Variants in RANBP2 observed in about 807,000 individuals in gnomAD.
RANBP2 encodes the protein E3 SUMO-protein ligase RanBP2.
In RANBP2, 57 loss-of-function variants were observed where a neutral mutation model predicts 303.6. The ratio of observed to expected loss-of-function variants is 0.19; its 90% confidence interval spans 0.15 to 0.23. The LOEUF (loss-of-function observed/expected upper bound fraction) is 0.23, where lower values mean the gene tolerates loss of function less well. Among genes scored for constraint, RANBP2 ranks in the 10% least tolerant of loss-of-function variants. The probability of loss-of-function intolerance (pLI) is 1.00; values close to 1 mark genes in which losing one functional copy is unlikely to be tolerated. For missense variants in RANBP2, 3,138 were observed against 3,780.8 expected (o/e 0.83, Z 4.46); for synonymous variants, 1,167 against 1,301.5 (o/e 0.90, Z 2.23).
At chr2:109,764,566 T>G in the RANBP2 span, among the ~76,000 whole-genome samples, 2 of 149,544 alleles carry the variant, frequency 1.3e-5, 1 homozygote. Flanking sequence ...AATGAGGAAA[T>G]TAAGACAAGA....
chr2:109,616,845 C>G, the RANBP2 span: 3 of 167,114 alleles, frequency 1.8e-5, no homozygotes, highest in South Asian at 6.2e-4. Flanking sequence ...ACTTAGCAGC[C>G]TATGATAGTT....
At chr2:108,861,760 C>T in the RANBP2 span, among the ~76,000 whole-genome samples, 3 of 152,114 alleles carry the variant, frequency 2.0e-5, no homozygotes, top group Admixed American at 6.6e-5. Context: ...GGATTACAGG[C>T]GTGAGCCACC....
the RANBP2 span, among the ~76,000 whole-genome samples, chr2:108,938,199 C>T: frequency 6.6e-6 from 1 of 152,188 alleles, no homozygotes; most frequent in Admixed American, 6.5e-5. Flanking sequence ...TTCTATTTGA[C>T]TCAACTTTTT....
At chr2:109,359,559 T>C in the RANBP2 span, among the ~76,000 whole-genome samples, 2 of 152,228 alleles carry the variant, frequency 1.3e-5, no homozygotes, top group African/African-American at 4.8e-5. Flanking sequence ...TTATACCTAA[T>C]GTAAATTGTA....
chr2:108,915,670 C>T, the RANBP2 span, among the ~76,000 whole-genome samples: 4 of 152,102 alleles, frequency 2.6e-5, no homozygotes, highest in East Asian at 1.9e-4. Context: ...GAGGCCGAGG[C>T]GGGAGGATCA....
chr2:108,960,713 G>A, the RANBP2 span, among the ~76,000 whole-genome samples: 1 of 152,128 alleles, frequency 6.6e-6, no homozygotes. Context: ...CCTACCATAT[G>A]GAAACATTAT....
the RANBP2 span, among the ~76,000 whole-genome samples, chr2:109,584,638 TAG>T: frequency 6.6e-6 from 1 of 152,028 alleles, no homozygotes; most frequent in Non-Finnish European, 1.5e-5. Context: ...TTAAAACAAA[TAG>T]AGACACAAGG....
chr2:108,918,069 G>A, the RANBP2 span, among the ~76,000 whole-genome samples: 1 of 152,164 alleles, frequency 6.6e-6, no homozygotes, highest in Non-Finnish European at 1.5e-5. Context: ...GTCTAAAAGA[G>A]GTTTGGGCAA....
At chr2:109,070,715 C>T in the RANBP2 span, among the ~76,000 whole-genome samples, 1 of 151,972 alleles carries the variant, frequency 6.6e-6, no homozygotes, top group African/African-American at 2.4e-5. Context: ...AAATATTAGG[C>T]GGGTGTGATG....
the RANBP2 span, among the ~76,000 whole-genome samples, chr2:108,824,207 T>A: frequency 6.6e-6 from 1 of 152,210 alleles, no homozygotes; most frequent in African/African-American, 2.4e-5. Flanking sequence ...TAGCTTACTG[T>A]AATCTTTTTA....
chr2:109,276,841 T>C, the RANBP2 span, among the ~76,000 whole-genome samples: 1 of 151,960 alleles, frequency 6.6e-6, no homozygotes, highest in East Asian at 1.9e-4. Context: ...ATACAAACAA[T>C]ATAGTTAAGC....
chr2:109,714,642 C>G, the RANBP2 span, among the ~76,000 whole-genome samples: 131 of 149,804 alleles, frequency 8.7e-4, 1 homozygote, highest in African/African-American at 2.9e-3. Flanking sequence ...GACAAGGTCT[C>G]TCTGTATTGC....
the RANBP2 span, among the ~76,000 whole-genome samples, chr2:109,392,215 C>CT: frequency 1.6e-4 from 24 of 152,216 alleles, no homozygotes; most frequent in African/African-American, 5.8e-4. Context: ...TGAATATATT[C>CT]TTTTTTTTAC....
chr2:108,719,501 T>C lies in RANBP2; in HGVS notation c.-106T>C, dbSNP rs1694028503. On this transcript the variant is annotated 5_prime_UTR_variant, in exon 1 of 29. Transcript: ENST00000283195. ...TTCGTCACAGTGGTCCTCCGCCGGCTACGGCGCTGCGTCACTGGTTTGCAG... is the reference window on the plus strand; with the variant it reads ...TTCGTCACAGTGGTCCTCCGCCGGCCACGGCGCTGCGTCACTGGTTTGCAG... 1 of 1,524,134 alleles carries C rather than the reference T, an allele frequency of 6.6e-7. No individual in the cohort carries two copies. The highest frequency in any genetic ancestry group is 2.5e-5 in the East Asian group (1 of 40,754). The allele number at this position is 1,524,134 out of a possible 1,614,324, so 94.4% of individuals were successfully genotyped here.
chr2:108,847,254 A>G, the RANBP2 span, among the ~76,000 whole-genome samples: 1 of 152,172 alleles, frequency 6.6e-6, no homozygotes, highest in Non-Finnish European at 1.5e-5. Context: ...TGTGTTGGTA[A>G]ACTAGTCCAT....
intron 25 of RANBP2, 88 bp from the exon 26 acceptor site, chr2:108,781,181 A>G: frequency 7.9e-7 from 1 of 1,273,342 alleles, no homozygotes; most frequent in South Asian, 1.2e-5. Flanking sequence ...TTACATCATC[A>G]GGAATTAGAG....
chr2:109,350,125 A>G, the RANBP2 span, among the ~76,000 whole-genome samples: 2 of 152,190 alleles, frequency 1.3e-5, no homozygotes, highest in East Asian at 3.9e-4. Context: ...TCCATATTTC[A>G]CAAGAAACAG....
chr2:108,897,097 T>C, the RANBP2 span: 2 of 1,614,046 alleles, frequency 1.2e-6, no homozygotes, highest in South Asian at 2.2e-5. Flanking sequence ...CCCAATCTCA[T>C]CCCTCTTCAG....
the RANBP2 span, among the ~76,000 whole-genome samples, chr2:109,569,282 T>G: frequency 1.3e-5 from 2 of 151,662 alleles, no homozygotes; most frequent in African/African-American, 4.8e-5. Flanking sequence ...TACAAAATAA[T>G]TAGGTGGGCA....
Sources: allele counts gnomAD v4.1 joint callset (sites outside exome capture counted in the v4.1 genomes callset), GRCh38; gene constraint gnomAD v4.1.1; transcripts MANE v1.5; gene names NCBI Gene and HGNC (gene_info 2026-07-23, HGNC 2026-07-21).